CACNG4: variants seen among roughly 807,000 people sequenced by gnomAD.
CACNG4 encodes the protein voltage-dependent calcium channel gamma-4 subunit.
CACNG4 carries 8 observed loss-of-function variants against 22.9 expected under a neutral mutation model. The ratio of observed to expected loss-of-function variants is 0.35; its 90% CI spans 0.21 to 0.63. CACNG4 has a LOEUF of 0.63. Among genes scored for constraint, CACNG4 ranks in the 30% least tolerant of loss-of-function variants. The pLI is 0.72. For missense variants in CACNG4, 357 were observed against 455.4 expected (o/e 0.78, Z 1.97); for synonymous variants, 188 against 191.9 (o/e 0.98, Z 0.17).
At chr17:67,020,153 C>G (rs575741300) in intron 2 of CACNG4, 1 of 152,532 alleles carries the variant, frequency 6.6e-6, no homozygotes, top group African/African-American at 2.4e-5. Context: ...CAATGCCACC[C>G]CTTCACCTGC....
chr17:67,022,354 C>T (rs1030121271), intron 2 of CACNG4, among the ~76,000 whole-genome samples: 2 of 152,256 alleles, frequency 1.3e-5, no homozygotes, highest in South Asian at 2.1e-4. Context: ...GATGGACTTC[C>T]TTCTTTCGGA....
rs1051122352 is a variant in CACNG4 at position 67,031,312 on chromosome 17, T to C, written c.*308T>C. ...TGAGGCTGCCTGGCCTTGATCAACT[T>C]GGGAAGACAAAATTGAGCCATTATC... On this transcript the variant is annotated 3_prime_UTR_variant, in exon 4 of 4. Transcript: ENST00000262138. The surrounding 1 kb of genome is among the most constrained non-coding windows in gnomAD (Gnocchi z 4.0). 1 of 574,082 alleles carries C rather than the reference T, an allele frequency of 1.7e-6. No individual in the cohort carries two copies. The highest frequency in any genetic ancestry group is 3.3e-6 in the Non-Finnish European group (1 of 303,968). 35.6% of individuals were successfully genotyped at this position (574,082 alleles called of 1,614,324 possible).
chr17:67,003,060 C>T (rs892230414), intron 1 of CACNG4, among the ~76,000 whole-genome samples: 19 of 152,040 alleles, frequency 1.2e-4, no homozygotes, highest in African/African-American at 4.6e-4. Context: ...GGGGGCAAAC[C>T]TGGCCTGCTC....
intron 1 of CACNG4, among the ~76,000 whole-genome samples, chr17:66,991,307 T>C (rs537143133): frequency 6.6e-5 from 10 of 151,952 alleles, no homozygotes; most frequent in African/African-American, 2.4e-4. Flanking sequence ...AAGATGAAGA[T>C]GAATTGCCAT....
intron 1 of CACNG4, among the ~76,000 whole-genome samples, chr17:66,993,158 G>T (rs1333702501): frequency 6.6e-6 from 1 of 152,262 alleles, no homozygotes; most frequent in East Asian, 1.9e-4. Context: ...GCTGCCTGAC[G>T]GTGGCTCGTG....
At chr17:66,979,244 CTAAT>C (rs2035256645) in intron 1 of CACNG4, among the ~76,000 whole-genome samples, 1 of 152,338 alleles carries the variant, frequency 6.6e-6, no homozygotes, top group Non-Finnish European at 1.5e-5. Flanking sequence ...CCTTGTATTT[CTAAT>C]TAATTCTTCC....
rs78430187 is a variant in CACNG4 at position 67,031,488 on chromosome 17, G to A, written c.*484G>A. 3.2e-3 allele frequency: 1,466 copies of A among 457,656 alleles called. 21 individuals are homozygous for A. The highest frequency in any genetic ancestry group is 0.027 in the African/African-American group (1,331 of 50,166). 28.3% of individuals were successfully genotyped at this position (457,656 alleles called of 1,614,324 possible). A position where few individuals can be genotyped will look rare whatever the true frequency, so the allele number is the denominator to read the frequency against. Reference sequence around the variant, plus strand: ...CTTTTGAACCTGAGGTTCCTGCGTCGTTGAGCCAGAAATCAGACCACCGAA... The same window carrying A: ...CTTTTGAACCTGAGGTTCCTGCGTCATTGAGCCAGAAATCAGACCACCGAA... On this transcript the variant is annotated 3_prime_UTR_variant, in exon 4 of 4. Transcript: ENST00000262138. This position sits in a 1 kb window ranked among gnomAD's most constrained non-coding sequence, Gnocchi z 4.0.
At chr17:67,005,230 A>C (rs1405152037) in intron 1 of CACNG4, among the ~76,000 whole-genome samples, 3 of 152,140 alleles carry the variant, frequency 2.0e-5, no homozygotes, top group Non-Finnish European at 4.4e-5. Flanking sequence ...TTCCAAGAGA[A>C]CCTCTGATTG....
chr17:67,021,969 C>T (rs1270535751), intron 2 of CACNG4, among the ~76,000 whole-genome samples: 1 of 152,034 alleles, frequency 6.6e-6, no homozygotes, highest in Non-Finnish European at 1.5e-5. Context: ...ATCCACAGCT[C>T]AGGAATGAGT....
At chr17:66,979,193 C>T (rs549128995) in intron 1 of CACNG4, among the ~76,000 whole-genome samples, 78 of 152,296 alleles carry the variant, frequency 5.1e-4, no homozygotes, top group African/African-American at 1.8e-3. Flanking sequence ...CCCAGTGCCG[C>T]CTTCTCTTCC....
intron 1 of CACNG4, among the ~76,000 whole-genome samples, chr17:67,001,872 A>G (rs763514621): frequency 6.6e-6 from 1 of 152,228 alleles, no homozygotes; most frequent in Non-Finnish European, 1.5e-5. Context: ...GTTGGGTGCC[A>G]TGGGGCTTGG....
rs972808423 is a variant in CACNG4 at position 67,031,090 on chromosome 17, G to C, written c.*86G>C. The C allele has an allele frequency of 7.0e-7, 1 of 1,425,526 alleles. No individual in the cohort carries two copies. The highest frequency in any genetic ancestry group is 1.4e-5 in the African/African-American group (1 of 70,296). 88.3% of individuals were successfully genotyped at this position (1,425,526 alleles called of 1,614,324 possible). ...GATGGCATGTGATCCTCAAGACGAC[G>C]AACAATGAACTAAAGCCAAATGCAG... On this transcript the variant is annotated 3_prime_UTR_variant, in exon 4 of 4. Coordinates refer to ENST00000262138, the MANE Select transcript of CACNG4 (RefSeq NM_014405.4). The surrounding 1 kb of genome is among the most constrained non-coding windows in gnomAD (Gnocchi z 4.0).
At chr17:66,966,711 A>G (rs1157573733) in intron 1 of CACNG4, among the ~76,000 whole-genome samples, 1 of 152,122 alleles carries the variant, frequency 6.6e-6, no homozygotes, top group African/African-American at 2.4e-5. Flanking sequence ...TGCAATTTGG[A>G]GCCTAATGGC....
At chr17:66,989,890 A>ATT (rs2035328634) in intron 1 of CACNG4, among the ~76,000 whole-genome samples, 2 of 145,480 alleles carry the variant, frequency 1.4e-5, no homozygotes, top group South Asian at 4.2e-4. Context: ...CAACATGAAA[A>ATT]TTTTTTCTTT....
intron 1 of CACNG4, among the ~76,000 whole-genome samples, chr17:66,979,123 C>T (rs1016876897): frequency 1.3e-5 from 2 of 152,234 alleles, no homozygotes; most frequent in Non-Finnish European, 2.9e-5. Context: ...CCCACACGGC[C>T]AACCTGAGGT....
intron 3 of CACNG4, among the ~76,000 whole-genome samples, chr17:67,028,425 T>C (rs1044287485): frequency 1.1e-4 from 17 of 151,984 alleles, no homozygotes; most frequent in Admixed American, 2.6e-4. Flanking sequence ...TGGTGGCGGG[T>C]GCCTGTAGTC....
Position 67,030,749 on chromosome 17 carries a change from G to GAGGTCCAGCTCA in CACNG4, c.737_748dup (p.Ser246_Ser249dup). On this transcript the variant is annotated inframe_insertion, in exon 4 of 4. Coordinates refer to ENST00000262138, the MANE Select transcript of CACNG4 (RefSeq NM_014405.4). The surrounding 1 kb of genome is among the most constrained non-coding windows in gnomAD (Gnocchi z 6.4). ...GCTACAGGTACCGGCGACGGCGCTCGAGGTCCAGCTCAAGGTCCACCGAGG... is the reference window on the plus strand; with the variant it reads ...GCTACAGGTACCGGCGACGGCGCTCGAGGTCCAGCTCAAGGTCCAGCTCAAGGTCCACCGAGG... The GAGGTCCAGCTCA allele has an allele frequency of 3.7e-6, 6 of 1,614,136 alleles. No homozygotes were observed. Among genetic ancestry groups the GAGGTCCAGCTCA allele is most frequent in the Non-Finnish European group, 5.1e-6 (6 of 1,180,026 alleles).
intron 1 of CACNG4, among the ~76,000 whole-genome samples, chr17:67,012,561 C>T (rs933685582): frequency 5.3e-5 from 8 of 152,196 alleles, no homozygotes; most frequent in African/African-American, 1.9e-4. Flanking sequence ...CAGAACTGCC[C>T]ACCAAGGGAC....
At chr17:66,966,043 T>C (rs1479401681) in intron 1 of CACNG4, among the ~76,000 whole-genome samples, 2 of 152,156 alleles carry the variant, frequency 1.3e-5, no homozygotes, top group Non-Finnish European at 2.9e-5. Flanking sequence ...CAAATGCGAC[T>C]GGAGGCTGAG....
Sources: gnomAD v4.1 joint callset for allele counts (sites outside exome capture counted in the v4.1 genomes callset) on GRCh38, gnomAD v4.1.1 for gene constraint, Gnocchi (gnomAD v3.1) non-coding constraint, MANE v1.5 for transcripts, NCBI Gene and HGNC (gene_info 2026-07-23, HGNC 2026-07-21) for gene names.